Variants in KMT2C observed in about 807,000 individuals in gnomAD.
KMT2C encodes histone-lysine N-methyltransferase 2C.
Under a neutral mutation model 507.9 loss-of-function variants are expected in KMT2C, and 88 were observed. The ratio of observed to expected loss-of-function variants is 0.17; its 90% CI spans 0.15 to 0.21. KMT2C has a LOEUF of 0.21. Ranked by LOEUF, KMT2C falls within the 10% of genes least tolerant of loss-of-function variation. The probability of loss-of-function intolerance (pLI) is 1.00; values close to 1 mark genes in which losing one functional copy is unlikely to be tolerated. For missense variants in KMT2C, 4,954 were observed against 5,957.8 expected (o/e 0.83, Z 5.55); for synonymous variants, 2,049 against 2,080.8 (o/e 0.98, Z 0.42).
chr7:152,219,748 T>C (rs772643912), intron 23 of KMT2C, among the ~76,000 whole-genome samples: 4 of 152,184 alleles, frequency 2.6e-5, no homozygotes, highest in African/African-American at 7.2e-5. Context: ...TATTTTGCTA[T>C]CTCAAGAACT....
At chr7:152,164,328 C>T (rs1363389825) in intron 42 of KMT2C, among the ~76,000 whole-genome samples, 9 of 148,230 alleles carry the variant, frequency 6.1e-5, no homozygotes, top group East Asian at 4.0e-4. Context: ...CTCGCTCTGT[C>T]GCCCAGGCTG....
rs1168611342 is a variant in KMT2C at position 152,330,728 on chromosome 7, G to T, written c.262C>A (p.Gln88Lys). 6.2e-7 allele frequency: 1 copy of T among 1,613,646 alleles called. No individual in the cohort carries two copies. Among genetic ancestry groups the T allele is most frequent in the Non-Finnish European group, 8.5e-7 (1 of 1,179,810 alleles). The change falls in exon 3 of 59, where the codon CAA (glutamine) becomes AAA (lysine). Residue 88 changes from glutamine to lysine, a missense_variant. Coordinates refer to ENST00000262189, the MANE Select transcript of KMT2C (RefSeq NM_170606.3). ...GCTTCAGCATCCTCTTCTGCAGATT[G>T]TTCTTTGATTTCTGCTTAACAGTAA... ...ETIVETEIKE[Q>K]SAEEDAEAEV...
intron 1 of KMT2C, among the ~76,000 whole-genome samples, chr7:152,360,549 A>C (rs959035777): frequency 4.6e-5 from 7 of 151,540 alleles, no homozygotes; most frequent in African/African-American, 1.5e-4. Flanking sequence ...AATTAAGGTG[A>C]CCAGCCGGGC....
chr7:152,368,541 AGAGGAAAAACGTCGTCAGTTT>A (rs1333426865), intron 1 of KMT2C: 1 of 1,368,484 alleles, frequency 7.3e-7, no homozygotes, highest in African/African-American at 1.4e-5. Context: ...ACAAAGAATT[AGAGGAAAAACGTCGTCAGTTT>A]GAGGATGAGA....
chr7:152,365,035 C>G (rs1014360390), intron 1 of KMT2C, among the ~76,000 whole-genome samples: 1 of 151,396 alleles, frequency 6.6e-6, no homozygotes, highest in African/African-American at 2.4e-5. Context: ...ATATTAAAAG[C>G]AGCAAAAGAA....
At position 152,138,559 on chromosome 7, in the gene KMT2C, G is replaced by C. The variant is rs2090147325; in HGVS notation, c.14643+237C>G. 4.9e-6 allele frequency: 2 copies of C among 406,042 alleles called. No homozygotes were observed. The highest frequency in any genetic ancestry group is 4.4e-6 in the Non-Finnish European group (1 of 226,020). 25.2% of individuals were successfully genotyped at this position (406,042 alleles called of 1,614,324 possible). The stretch of plus-strand genomic sequence containing the variant: ...GTGCCATGGGGATGCTGAACCCGTG[G>C]CACAGAAGGGAAGGGAGAGGTGACA... On this transcript the variant is annotated intron_variant, in intron 58 of 58. Transcript: ENST00000262189. The surrounding 1 kb of genome is among the most constrained non-coding windows in gnomAD (Gnocchi z 4.2).
At chr7:152,388,296 C>CGCCTGTAATCCCAATTTG in intron 1 of KMT2C, among the ~76,000 whole-genome samples, 1 of 151,944 alleles carries the variant, frequency 6.6e-6, no homozygotes, top group African/African-American at 2.4e-5. Context: ...TGGTGGATCA[C>CGCCTGTAATCCCAATTTG]GCCTGTAATC....
In KMT2C at chr7:152,195,934, C is replaced by A. The variant is rs1454734438; in HGVS notation, c.4351G>T (p.Asp1451Tyr). ...DDDILGIISD[D>Y]LAKSVDHSDI... Reference sequence around the variant, plus strand: ...GAATGATCAACTGATTTTGCTAGATCATCTGAAATTATTCCAAGAATGTCA... The same window carrying A: ...GAATGATCAACTGATTTTGCTAGATAATCTGAAATTATTCCAAGAATGTCA... Residue 1451 changes from aspartate (D) to tyrosine (Y), a missense_variant, in exon 28 of 59, where the codon GAT (aspartate) becomes TAT (tyrosine). This residue lies in a region of KMT2C where 140 missense variants were observed against 118.4 expected (regional missense o/e 1.18). Coordinates refer to ENST00000262189, the MANE Select transcript of KMT2C (RefSeq NM_170606.3). 6.2e-7 allele frequency: 1 copy of A among 1,604,784 alleles called. No homozygotes were observed. The highest frequency in any genetic ancestry group is 8.5e-7 in the Non-Finnish European group (1 of 1,173,250).
chr7:152,206,173 T>C (rs1040886183), intron 24 of KMT2C, among the ~76,000 whole-genome samples: 10 of 152,300 alleles, frequency 6.6e-5, no homozygotes, highest in South Asian at 2.1e-4. Context: ...AATAGAGGTC[T>C]GGTACACAGT....
chr7:152,301,737 T>C (rs2096570810), intron 6 of KMT2C, among the ~76,000 whole-genome samples: 1 of 152,098 alleles, frequency 6.6e-6, no homozygotes, highest in Admixed American at 6.6e-5. Context: ...GATACATACT[T>C]TAAGAATTTC....
chr7:152,293,680 A>T (rs1412252169), intron 6 of KMT2C, among the ~76,000 whole-genome samples: 1 of 152,230 alleles, frequency 6.6e-6, no homozygotes, highest in Non-Finnish European at 1.5e-5. Context: ...CTTATTTAAT[A>T]CTAAAAAGAA....
chr7:152,418,920 G>A (rs1356108206), intron 1 of KMT2C, among the ~76,000 whole-genome samples: 1 of 152,124 alleles, frequency 6.6e-6, no homozygotes, highest in Non-Finnish European at 1.5e-5. Flanking sequence ...CAGGCTGGGT[G>A]TGGTAGCTGA....
At position 152,195,349 on chromosome 7, in the gene KMT2C, G is replaced by A. The variant is rs2093931394; in HGVS notation, c.4378+558C>T. 3.3e-5 allele frequency among the ~76,000 whole-genome samples: 5 copies of A among 152,244 alleles called. No homozygotes were observed. In the South Asian group the frequency reaches 1.0e-3, roughly 32 times the overall value. The stretch of plus-strand genomic sequence containing the variant: ...TACTGAGAAAGTCACCCGAAGTACA[G>A]TACAGCTATACTATGCTTTAGCCAC... On this transcript the variant is annotated intron_variant, in intron 28 of 58. Coordinates refer to ENST00000262189, the MANE Select transcript of KMT2C (RefSeq NM_170606.3).
rs1342812230 is a variant in KMT2C, at chr7:152,175,065, AAAT to A, written c.9263-826_9263-824del. 2.0e-5 allele frequency among the ~76,000 whole-genome samples: 3 copies of A among 152,216 alleles called. No individual in the cohort carries two copies. In the East Asian group the frequency reaches 5.8e-4, roughly 29 times the overall value. On this transcript the variant is annotated intron_variant, in intron 38 of 58. Coordinates refer to ENST00000262189, the MANE Select transcript of KMT2C (RefSeq NM_170606.3). ...ATTAGTTTCTATTAAACAATTCCAT[AAAT>A]AATAGAATTGAGGGAAGTTTGTAAC...
At chr7:152,158,511 G>GTT (rs566073420) in intron 44 of KMT2C, among the ~76,000 whole-genome samples, 6 of 128,164 alleles carry the variant, frequency 4.7e-5, no homozygotes, top group African/African-American at 1.2e-4. Flanking sequence ...TGAATTGTTT[G>GTT]TTTTTTTTTT....
chr7:152,237,745 C>G (rs529595292), intron 15 of KMT2C, among the ~76,000 whole-genome samples: 1 of 152,188 alleles, frequency 6.6e-6, no homozygotes, highest in Non-Finnish European at 1.5e-5. Flanking sequence ...AAGTGATCTG[C>G]CCCCTCAGCC....
chr7:152,315,167 TGAG>T lies in KMT2C; in HGVS notation c.558_560del (p.Asn186_Ser187delinsLys), dbSNP rs796402527. ...TCTGTCCTCTTTGTTTTCGTGGTGC[TGAG>T]TTTTGCATTTTCTCATAGGTTCCAT... On this transcript the variant is annotated inframe_deletion, in exon 4 of 59. Coordinates refer to ENST00000262189, the MANE Select transcript of KMT2C (RefSeq NM_170606.3). 1 of 1,614,102 alleles carries T rather than the reference TGAG, an allele frequency of 6.2e-7. No individual in the cohort carries two copies. Among genetic ancestry groups the T allele is most frequent in the African/African-American group, 1.3e-5 (1 of 75,060 alleles).
chr7:152,158,584 C>T (rs1422315167), intron 44 of KMT2C, among the ~76,000 whole-genome samples: 2 of 151,348 alleles, frequency 1.3e-5, no homozygotes, highest in Non-Finnish European at 2.9e-5. Flanking sequence ...GGCACAATCT[C>T]GGCTCACTGC....
chr7:152,191,930 A>G (rs2093806688), intron 31 of KMT2C, among the ~76,000 whole-genome samples: 1 of 152,210 alleles, frequency 6.6e-6, no homozygotes. Context: ...ATACTGTACT[A>G]TAATACACAT....
Sources: allele counts gnomAD v4.1 joint callset (sites outside exome capture counted in the v4.1 genomes callset), GRCh38; gene constraint gnomAD v4.1.1; regional missense constraint gnomAD v4.1.1; non-coding constraint Gnocchi (gnomAD v3.1); transcripts MANE v1.5; gene names NCBI Gene and HGNC (gene_info 2026-07-23, HGNC 2026-07-21).